Variants in GPR158 observed in about 807,000 individuals in gnomAD.
GPR158 encodes G protein-coupled receptor 158, also known as metabotropic glycine receptor.
A neutral mutation model predicts 78.2 loss-of-function variants in GPR158; 30 were observed. That is an observed-to-expected ratio of 0.38 (90% CI 0.29 to 0.52). The LOEUF is 0.52. GPR158 is among the 20% of genes least tolerant of loss of function. GPR158 has a pLI of 0.83. For missense variants in GPR158, 1,463 were observed against 1,523.5 expected (o/e 0.96, Z 0.66); for synonymous variants, 581 against 591.1 (o/e 0.98, Z 0.25).
At chr10:25,257,698 TAA>T (rs1466798245) in intron 2 of GPR158, among the ~76,000 whole-genome samples, 2 of 152,360 alleles carry the variant, frequency 1.3e-5, no homozygotes, top group African/African-American at 4.8e-5. Flanking sequence ...TTACTAAATA[TAA>T]GTCACTTTGT....
rs1483601448 is a variant in GPR158, at chr10:25,598,665, C to T, written c.3039C>T (p.Asp1013=). The T allele has an allele frequency of 6.2e-7, 1 of 1,613,872 alleles. No individual in the cohort carries two copies. The highest frequency in any genetic ancestry group is 2.2e-5 in the East Asian group (1 of 44,866). The change falls in exon 11 of 11, where the codon GAC becomes GAT. Residue 1013 remains aspartate, a synonymous_variant. Transcript: ENST00000376351. ...IGEVCPWEVY[D]LTPGPVPSES... is the part of the protein sequence containing the mutation. Reference sequence around the variant, plus strand: ...AGGTGTGTCCTTGGGAGGTTTATGACCTGACCCCTGGTCCTGTGCCTTCAG... The same window carrying T: ...AGGTGTGTCCTTGGGAGGTTTATGATCTGACCCCTGGTCCTGTGCCTTCAG...
rs1259571911 is a variant in GPR158, at chr10:25,540,949, T to A, written c.1405-10027T>A. On this transcript the variant is annotated intron_variant, in intron 5 of 10. Coordinates refer to ENST00000376351, the MANE Select transcript of GPR158 (RefSeq NM_020752.3). Reference sequence around the variant, plus strand: ...TAGAACTTAAAGTATAATAAAAATATATATATATATATATATATATATATA... The same window carrying A: ...TAGAACTTAAAGTATAATAAAAATAAATATATATATATATATATATATATA... 7.4e-3 allele frequency among the ~76,000 whole-genome samples: 215 copies of A among 28,970 alleles called. 1 individual carries two copies. The highest frequency in any genetic ancestry group is 0.045 in the African/African-American group (195 of 4,344). 19.0% of individuals were successfully genotyped at this position (28,970 alleles called of 152,430 possible).
chr10:25,189,491 A>G (rs1234914595), intron 1 of GPR158, among the ~76,000 whole-genome samples: 1 of 152,226 alleles, frequency 6.6e-6, no homozygotes, highest in African/African-American at 2.4e-5. Context: ...TTGTAGGGAC[A>G]TGGATAAAGC....
At chr10:25,408,679 T>C (rs1295200644) in intron 3 of GPR158, among the ~76,000 whole-genome samples, 1 of 152,180 alleles carries the variant, frequency 6.6e-6, no homozygotes. Flanking sequence ...TTCTCATACT[T>C]CTTAGTTTTT....
chr10:25,530,591 A>G (rs1836410721), intron 5 of GPR158, among the ~76,000 whole-genome samples: 1 of 152,240 alleles, frequency 6.6e-6, no homozygotes. Context: ...GAGAGTTTAA[A>G]GACATGTAAA....
rs1418127 is a variant in GPR158, at chr10:25,458,659, T to G, written c.1336-7992T>G. Among the ~76,000 whole-genome samples, 7,747 of 152,266 alleles carry G rather than the reference T, an allele frequency of 0.051. 946 individuals are homozygous for G. The East Asian group carries it at 0.55, about 11-fold the overall frequency. Reference sequence around the variant, plus strand: ...ACAATATACACCTGGGCATTATGACTCCCATCTTATAAATGAAGAAACTGA... The same window carrying G: ...ACAATATACACCTGGGCATTATGACGCCCATCTTATAAATGAAGAAACTGA... On this transcript the variant is annotated intron_variant, in intron 4 of 10. Transcript: ENST00000376351.
chr10:25,539,654 C>T (rs1289974535), intron 5 of GPR158, among the ~76,000 whole-genome samples: 1 of 151,428 alleles, frequency 6.6e-6, no homozygotes, highest in East Asian at 1.9e-4. Flanking sequence ...TAAAATGTTA[C>T]TTCTGTATTA....
chr10:25,545,159 G>C (rs1836646095), intron 5 of GPR158, among the ~76,000 whole-genome samples: 1 of 152,134 alleles, frequency 6.6e-6, no homozygotes, highest in Non-Finnish European at 1.5e-5. Flanking sequence ...CAGTGCTGCA[G>C]TAAACATATG....
chr10:25,444,532 AGTGT>A (rs1206108342), intron 4 of GPR158, among the ~76,000 whole-genome samples: 2 of 144,774 alleles, frequency 1.4e-5, no homozygotes, highest in South Asian at 2.2e-4. Flanking sequence ...TGTGTGTGGA[AGTGT>A]GTGTGTGGTG....
At chr10:25,473,478 T>A (rs1835538560) in intron 5 of GPR158, among the ~76,000 whole-genome samples, 1 of 152,140 alleles carries the variant, frequency 6.6e-6, no homozygotes, top group Non-Finnish European at 1.5e-5. Context: ...ATAAAATGAG[T>A]TAGGGAGGAT....
At chr10:25,378,192 G>A (rs1338488040) in intron 2 of GPR158, among the ~76,000 whole-genome samples, 1 of 152,234 alleles carries the variant, frequency 6.6e-6, no homozygotes, top group African/African-American at 2.4e-5. Flanking sequence ...AACAGAGAAT[G>A]ATACGAGCAA....
At chr10:25,450,888 T>C (rs200973222) in intron 4 of GPR158, among the ~76,000 whole-genome samples, 2 of 152,334 alleles carry the variant, frequency 1.3e-5, no homozygotes, top group East Asian at 3.9e-4. Flanking sequence ...GATACATGCA[T>C]GCATACTCAT....
chr10:25,277,872 T>C (rs1854206709), intron 2 of GPR158, among the ~76,000 whole-genome samples: 1 of 152,206 alleles, frequency 6.6e-6, no homozygotes, highest in Non-Finnish European at 1.5e-5. Context: ...ACTACAGACC[T>C]CAGGCCTCCC....
At chr10:25,307,002 C>T (rs143935285) in intron 2 of GPR158, among the ~76,000 whole-genome samples, 1,895 of 138,418 alleles carry the variant, frequency 0.014, 47 homozygotes, top group African/African-American at 0.053. Flanking sequence ...CACACACATA[C>T]GCACACACAC....
At chr10:25,426,955 T>A (rs1167996469) in intron 4 of GPR158, among the ~76,000 whole-genome samples, 1 of 147,688 alleles carries the variant, frequency 6.8e-6, no homozygotes, top group African/African-American at 2.5e-5. Context: ...CAAAGTCCTC[T>A]AGATTATTGC....
chr10:25,404,703 C>T (rs779709711), intron 3 of GPR158, among the ~76,000 whole-genome samples: 1 of 152,038 alleles, frequency 6.6e-6, no homozygotes, highest in Non-Finnish European at 1.5e-5. Flanking sequence ...AGATATAAAA[C>T]CATTGTCCTA....
chr10:25,599,996 TA>T lies in GPR158; in HGVS notation c.*723del, dbSNP rs1290903877. On this transcript the variant is annotated 3_prime_UTR_variant, in exon 11 of 11. Transcript: ENST00000376351. The stretch of plus-strand genomic sequence containing the variant: ...CTCTGGCTTGGGAAGCCATAACTGT[TA>T]CTATAAAAACTTTTAGTTTTGGCTG... 6.6e-6 allele frequency: 1 copy of T among 152,662 alleles called. No homozygotes were observed. Among genetic ancestry groups the T allele is most frequent in the Non-Finnish European group, 1.5e-5 (1 of 68,030 alleles). 9.5% of individuals were successfully genotyped at this position (152,662 alleles called of 1,614,324 possible).
intron 5 of GPR158, among the ~76,000 whole-genome samples, chr10:25,473,576 A>C (rs1835540154): frequency 6.6e-6 from 1 of 152,096 alleles, no homozygotes; most frequent in South Asian, 2.1e-4. Context: ...CTGTGAATCC[A>C]TCTGGTGCTG....
intron 2 of GPR158, among the ~76,000 whole-genome samples, chr10:25,314,774 T>C (rs1367603740): frequency 6.7e-6 from 1 of 148,824 alleles, no homozygotes; most frequent in African/African-American, 2.5e-5. Context: ...ATTGTATATA[T>C]ATAAATATAT....
Sources: gnomAD v4.1 joint callset for allele counts (sites outside exome capture counted in the v4.1 genomes callset) on GRCh38, gnomAD v4.1.1 for gene constraint, MANE v1.5 for transcripts, NCBI Gene and HGNC (gene_info 2026-07-23, HGNC 2026-07-21) for gene names.